The following ARHGAP15 variants were observed in gnomAD, a reference collection of about 807,000 sequenced individuals.
The protein encoded by ARHGAP15 is rho GTPase-activating protein 15.
Under a neutral mutation model 63.7 loss-of-function variants are expected in ARHGAP15, and 51 were observed. That is an observed-to-expected ratio of 0.80 (90% CI 0.64 to 1.01). The LOEUF is 1.01. Ranked by LOEUF, ARHGAP15 falls within the 50% of genes least tolerant of loss-of-function variation. ARHGAP15 has a pLI of 0.00. For missense variants in ARHGAP15, 560 were observed against 564.6 expected, an observed-to-expected ratio of 0.99 and a Z score of 0.08; for synonymous variants, 191 against 193.8, an observed-to-expected ratio of 0.99 and a Z score of 0.12.
intron 9 of ARHGAP15, among the ~76,000 whole-genome samples, chr2:143,490,578 A>G (rs951462391): frequency 1.3e-5 from 2 of 152,014 alleles, no homozygotes; most frequent in African/African-American, 4.8e-5. Flanking sequence ...AGACTTGGAA[A>G]CAGTCCCTTG....
At chr2:143,753,590 T>C (rs1299565947) in intron 13 of ARHGAP15, among the ~76,000 whole-genome samples, 1 of 152,186 alleles carries the variant, frequency 6.6e-6, no homozygotes, top group African/African-American at 2.4e-5. Flanking sequence ...AATTTATATG[T>C]GTAAATGCAA....
At chr2:143,514,029 G>A (rs1693698787) in intron 9 of ARHGAP15, among the ~76,000 whole-genome samples, 1 of 152,174 alleles carries the variant, frequency 6.6e-6, no homozygotes, top group Admixed American at 6.5e-5. Context: ...AATATATAAA[G>A]TACTTTGAGC....
intron 12 of ARHGAP15, among the ~76,000 whole-genome samples, chr2:143,638,740 T>C (rs2105267926): frequency 6.7e-6 from 1 of 149,074 alleles, no homozygotes; most frequent in Admixed American, 6.7e-5. Flanking sequence ...AAAGTGAAGT[T>C]CTCTAGACAT....
At chr2:143,440,045 T>C (rs1689806419) in intron 8 of ARHGAP15, among the ~76,000 whole-genome samples, 1 of 152,136 alleles carries the variant, frequency 6.6e-6, no homozygotes, top group Admixed American at 6.6e-5. Flanking sequence ...GTAAGCCTTT[T>C]TTTTTAGGGC....
intron 1 of ARHGAP15, among the ~76,000 whole-genome samples, chr2:143,147,263 A>G (rs960025169): frequency 6.6e-6 from 1 of 152,042 alleles, no homozygotes; most frequent in African/African-American, 2.4e-5. Flanking sequence ...CTGCTGAGCA[A>G]CTTGTTCTAG....
At chr2:143,723,784 CTG>C (rs1314731291) in intron 13 of ARHGAP15, among the ~76,000 whole-genome samples, 4 of 152,202 alleles carry the variant, frequency 2.6e-5, no homozygotes, top group Admixed American at 2.6e-4. Context: ...TAAAGGATCA[CTG>C]TGTTGATAGT....
At chr2:143,236,155 A>G in intron 5 of ARHGAP15, 2 of 619,672 alleles carry the variant, frequency 3.2e-6, no homozygotes, top group South Asian at 2.8e-5. Flanking sequence ...TTTTGTTTTT[A>G]CATTAGGGGC....
intron 6 of ARHGAP15, among the ~76,000 whole-genome samples, chr2:143,268,838 C>G (rs1259610803): frequency 6.6e-6 from 1 of 151,956 alleles, no homozygotes; most frequent in Non-Finnish European, 1.5e-5. Flanking sequence ...GAAATTGGCA[C>G]TTCTAAGATT....
At chr2:143,298,150 G>T (rs1682729816) in intron 6 of ARHGAP15, among the ~76,000 whole-genome samples, 1 of 151,820 alleles carries the variant, frequency 6.6e-6, no homozygotes. Context: ...GAGTTGATTT[G>T]TTCCCTATCA....
At position 143,661,733 on chromosome 2, in the gene ARHGAP15, G is replaced by A. The variant is rs370609113; in HGVS notation, c.1138+37466G>A. On this transcript the variant is annotated intron_variant, in intron 12 of 13. Transcript: ENST00000295095. ...TGGGTGCGCACACCGTGCGTGAGCC[G>A]AAGCAGGGTGAGGCATTGCCTCACT... 5.3e-5 allele frequency among the ~76,000 whole-genome samples: 8 copies of A among 152,308 alleles called. No individual in the cohort carries two copies. In the South Asian group the frequency reaches 6.2e-4, roughly 12 times the overall value.
chr2:143,287,430 T>G (rs1682160699), intron 6 of ARHGAP15, among the ~76,000 whole-genome samples: 1 of 151,888 alleles, frequency 6.6e-6, no homozygotes, highest in African/African-American at 2.4e-5. Context: ...ATAACAGATA[T>G]CCCAGATGTG....
chr2:143,753,406 A>T (rs1406594143), intron 13 of ARHGAP15, among the ~76,000 whole-genome samples: 1 of 152,182 alleles, frequency 6.6e-6, no homozygotes, highest in African/African-American at 2.4e-5. Flanking sequence ...AGCTTAATAT[A>T]ATGCTTGATA....
At chr2:143,748,464 A>G (rs1559159077) in intron 13 of ARHGAP15, among the ~76,000 whole-genome samples, 1 of 152,308 alleles carries the variant, frequency 6.6e-6, no homozygotes, top group East Asian at 1.9e-4. Context: ...CCCCACGATT[A>G]TGTATACCTA....
chr2:143,160,043 G>A (rs1180132382), intron 2 of ARHGAP15, among the ~76,000 whole-genome samples: 1 of 151,714 alleles, frequency 6.6e-6, no homozygotes, highest in African/African-American at 2.4e-5. Flanking sequence ...CAGCGCTCAG[G>A]GTAGAATTAT....
chr2:143,541,140 C>A (rs1045571262), intron 10 of ARHGAP15, among the ~76,000 whole-genome samples: 2 of 152,180 alleles, frequency 1.3e-5, no homozygotes, highest in Non-Finnish European at 2.9e-5. Context: ...TCTTCCATCG[C>A]TGATACCCTT....
chr2:143,456,061 T>C (rs984077857), intron 8 of ARHGAP15, among the ~76,000 whole-genome samples: 21 of 152,236 alleles, frequency 1.4e-4, no homozygotes, highest in Non-Finnish European at 2.5e-4. Flanking sequence ...ACTGTAATAA[T>C]GACGAATCTG....
chr2:143,705,103 A>T (rs1184044033), intron 13 of ARHGAP15, among the ~76,000 whole-genome samples: 1 of 152,170 alleles, frequency 6.6e-6, no homozygotes, highest in Non-Finnish European at 1.5e-5. Context: ...TTCATTAAAC[A>T]GACTTATCTT....
At chr2:143,312,174 G>A in intron 6 of ARHGAP15, among the ~76,000 whole-genome samples, 1 of 152,108 alleles carries the variant, frequency 6.6e-6, no homozygotes, top group Non-Finnish European at 1.5e-5. Context: ...AAGGATTACA[G>A]TATTTGGATA....
intron 9 of ARHGAP15, among the ~76,000 whole-genome samples, chr2:143,503,157 T>C (rs953033711): frequency 6.6e-6 from 1 of 152,274 alleles, no homozygotes; most frequent in Non-Finnish European, 1.5e-5. Flanking sequence ...TAAGAAAATA[T>C]GTAGTGCGTT....
Sources: gnomAD v4.1 joint callset for allele counts (sites outside exome capture counted in the v4.1 genomes callset) on GRCh38, gnomAD v4.1.1 for gene constraint, MANE v1.5 for transcripts, NCBI Gene and HGNC (gene_info 2026-07-23, HGNC 2026-07-21) for gene names.